PKHD1L1: variants seen among roughly 807,000 people sequenced by gnomAD.
PKHD1L1 encodes fibrocystin-L.
PKHD1L1 carries 434 observed loss-of-function variants against 462.9 expected under a neutral mutation model. That is an observed-to-expected ratio of 0.94 (90% CI 0.87 to 1.02). The LOEUF (loss-of-function observed/expected upper bound fraction) is 1.02. PKHD1L1 is among the 50% of genes least tolerant of loss of function. The pLI is 0.00. For missense variants in PKHD1L1, 5,202 were observed against 5,096.1 expected (o/e 1.02, Z -0.63); for synonymous variants, 1,781 against 1,750.0 (o/e 1.02, Z -0.44).
rs143617108 is a variant in PKHD1L1 at position 109,465,243 on chromosome 8, C to T, written c.8411C>T (p.Thr2804Ile). The change falls in exon 49 of 78, where the codon ACA (threonine) becomes ATA (isoleucine). Residue 2804 changes from threonine to isoleucine, a missense_variant and splice_region_variant. Transcript: ENST00000378402. ...MVMIDVDGSL[T>I]GHKGHTVIPH... ...ATGATTGATGTTGATGGCTCACTTA[C>T]AGGTAATGTTATTTTTTAATTTGTG... is the stretch of plus-strand genomic sequence containing the variant. 50 of 1,607,036 alleles carry T rather than the reference C, an allele frequency of 3.1e-5. No individual in the cohort carries two copies. In the African/African-American group the frequency reaches 5.4e-4, roughly 17 times the overall value.
chr8:109,490,422 C>T (rs1818769988), intron 60 of PKHD1L1, among the ~76,000 whole-genome samples: 1 of 151,844 alleles, frequency 6.6e-6, no homozygotes, highest in South Asian at 2.1e-4. Context: ...GTCTGATCTA[C>T]ACCTCCATCA....
At chr8:109,412,770 G>T (rs946267699) in intron 20 of PKHD1L1, among the ~76,000 whole-genome samples, 1 of 151,994 alleles carries the variant, frequency 6.6e-6, no homozygotes, top group African/African-American at 2.4e-5. Flanking sequence ...AGCCATCATA[G>T]GATGATCTTG....
rs780274607 is a variant in PKHD1L1 at position 109,459,772 on chromosome 8, A to G, written c.7182A>G (p.Ile2394Met). The G allele has an allele frequency of 6.2e-7, 1 of 1,611,534 alleles. No individual in the cohort carries two copies. Among genetic ancestry groups the G allele is most frequent in the South Asian group, 1.1e-5 (1 of 90,722 alleles). ...GAATTCTTACAAGAAATATTTTAAT[A>G]AGAGGATCTGATAATGTTGAGTGGA... ...EVGILTRNIL[I>M]RGSDNVEWNN... Residue 2394 changes from isoleucine (I) to methionine (M), a missense_variant, in exon 47 of 78, where the codon ATA (isoleucine) becomes ATG (methionine). Transcript: ENST00000378402.
chr8:109,371,494 A>G (rs1210925968), intron 2 of PKHD1L1, among the ~76,000 whole-genome samples: 1 of 149,552 alleles, frequency 6.7e-6, no homozygotes, highest in Non-Finnish European at 1.5e-5. Flanking sequence ...GCTGTGCAGA[A>G]GCTCTTTAGT....
intron 54 of PKHD1L1, 51 bp downstream of exon 54, chr8:109,479,690 C>A: frequency 8.2e-7 from 1 of 1,217,854 alleles, no homozygotes; most frequent in Non-Finnish European, 1.2e-6. Context: ...GCAATATTAA[C>A]ACTATGGCAG....
At position 109,413,507 on chromosome 8, in the gene PKHD1L1, T is replaced by G. The variant is rs776515987; in HGVS notation, c.2322T>G (p.Thr774=). 9 of 1,569,060 alleles carry G rather than the reference T, an allele frequency of 5.7e-6. No individual in the cohort carries two copies. In the South Asian group the frequency reaches 9.7e-5, roughly 17 times the overall value. The change falls in exon 21 of 78, where the codon ACT becomes ACG. Residue 774 remains threonine (T), a synonymous_variant. Transcript: ENST00000378402. The stretch of plus-strand genomic sequence containing the variant: ...ACAATAGCAAGATTACTAGAAGCAC[T>G]GATACACAGTTTACATACAACTTTG... ...YQDNSKITRS[T]DTQFTYNFAY...
chr8:109,417,602 G>A (rs1814247538), intron 21 of PKHD1L1, among the ~76,000 whole-genome samples: 1 of 152,076 alleles, frequency 6.6e-6, no homozygotes, highest in Admixed American at 6.5e-5. Flanking sequence ...GGAGTGCAGT[G>A]GTGTGATCTC....
chr8:109,419,126 A>T lies in PKHD1L1; in HGVS notation c.2390A>T (p.Asp797Val), dbSNP rs193040284. Residue 797 changes from aspartate (D) to valine (V), a missense_variant, in exon 22 of 78, where the codon GAT (aspartate) becomes GTT (valine). Asp to Val is a radical substitution (Grantham distance 152, BLOSUM62 -3). This residue lies in a region of PKHD1L1 where 4,497 missense variants were observed against 4,336.8 expected (regional missense o/e 1.04). Coordinates refer to ENST00000378402, the MANE Select transcript of PKHD1L1 (RefSeq NM_177531.6). ...ACTTACACTTGCATAGACCTTCTGG[A>T]TCTCGTAAGAACGAAATACACTGGG... ...NWTYTCIDLL[D>V]LVRTKYTGTN... 1.9e-4 allele frequency: 303 copies of T among 1,613,514 alleles called. No individual in the cohort carries two copies. The highest frequency in any genetic ancestry group is 1.5e-3 in the Middle Eastern group (9 of 6,060).
intron 39 of PKHD1L1, 115 bp downstream of exon 39, chr8:109,448,506 TTG>T: frequency 4.3e-5 from 52 of 1,220,418 alleles, no homozygotes; most frequent in Non-Finnish European, 5.3e-5. Flanking sequence ...AGTGTTTTTT[TTG>T]TTTGTTTGGT....
intron 11 of PKHD1L1, among the ~76,000 whole-genome samples, chr8:109,397,405 G>A (rs1377378733): frequency 6.6e-6 from 1 of 152,160 alleles, no homozygotes; most frequent in African/African-American, 2.4e-5. Context: ...GCTGGGTGCA[G>A]TGGCTCATGC....
chr8:109,437,312 G>C (rs1336713147), intron 30 of PKHD1L1, among the ~76,000 whole-genome samples: 1 of 152,112 alleles, frequency 6.6e-6, no homozygotes, highest in Non-Finnish European at 1.5e-5. Flanking sequence ...TTGTGTCTTA[G>C]AATCAATCAT....
In PKHD1L1 at chr8:109,363,408, C is replaced by A. The variant is rs142474370; in HGVS notation, c.73+755C>A. 4.5e-3 allele frequency among the ~76,000 whole-genome samples: 680 copies of A among 152,274 alleles called. 5 individuals are homozygous for A. The highest frequency in any genetic ancestry group is 0.015 in the African/African-American group (634 of 41,544). ...AACTGGTCTCCTTTATGTTGGAGAG[C>A]TTTTGCTACTATAGGTGAAGTCCAC... On this transcript the variant is annotated intron_variant, in intron 1 of 77. Coordinates refer to ENST00000378402, the MANE Select transcript of PKHD1L1 (RefSeq NM_177531.6).
rs563121520 is a variant in PKHD1L1, at chr8:109,430,348, G to A, written c.3229+311G>A. On this transcript the variant is annotated intron_variant, in intron 27 of 77. Coordinates refer to ENST00000378402, the MANE Select transcript of PKHD1L1 (RefSeq NM_177531.6). Reference sequence around the variant, plus strand: ...CTCTAAAATTTCACTTGGACACTGAGGAACTTTTATTCAACTGTACCAGCT... The same window carrying A: ...CTCTAAAATTTCACTTGGACACTGAAGAACTTTTATTCAACTGTACCAGCT... 9.8e-4 allele frequency among the ~76,000 whole-genome samples: 149 copies of A among 152,248 alleles called. 1 individual carries two copies. Among genetic ancestry groups the A allele is most frequent in the African/African-American group, 3.4e-3 (140 of 41,534 alleles).
intron 25 of PKHD1L1, among the ~76,000 whole-genome samples, chr8:109,428,754 C>T (rs940457526): frequency 6.6e-6 from 1 of 152,130 alleles, no homozygotes; most frequent in African/African-American, 2.4e-5. Flanking sequence ...ATGGAGACTC[C>T]TATCTCTTTG....
At chr8:109,364,312 T>G (rs997152994) in intron 1 of PKHD1L1, among the ~76,000 whole-genome samples, 1 of 152,248 alleles carries the variant, frequency 6.6e-6, no homozygotes, top group East Asian at 1.9e-4. Context: ...GTGTTATTTT[T>G]GCTCTTGGTA....
rs1464941143 is a variant in PKHD1L1 at position 109,449,424 on chromosome 8, T to G, written c.6112T>G (p.Cys2038Gly). The G allele has an allele frequency of 6.3e-7, 1 of 1,597,844 alleles. No homozygotes were observed. Among genetic ancestry groups the G allele is most frequent in the Admixed American group, 1.7e-5 (1 of 58,068 alleles). ...NSIILVCGSE[C>G]AIDRLRSDYT... ...AATTATATTAGTTTGTGGCTCAGAA[T>G]GTGCAATTGACAGGCTTAGATCTGA... The change falls in exon 40 of 78, where the codon TGT (cysteine) becomes GGT (glycine). Residue 2038 changes from cysteine to glycine, a missense_variant. By Grantham distance (159) the Cys-to-Gly change is radical (BLOSUM62 -3). Coordinates refer to ENST00000378402, the MANE Select transcript of PKHD1L1 (RefSeq NM_177531.6).
At chr8:109,517,995 G>C (rs574639566) in intron 72 of PKHD1L1, among the ~76,000 whole-genome samples, 172 bp from the exon 73 acceptor site, 3 of 152,094 alleles carry the variant, frequency 2.0e-5, no homozygotes, top group African/African-American at 7.2e-5. Flanking sequence ...CTTTAATTTC[G>C]CAGGTCAGTT....
chr8:109,384,033 G>C, intron 4 of PKHD1L1, 37 bp from the exon 5 acceptor site: 1 of 1,373,134 alleles, frequency 7.3e-7, no homozygotes, highest in Non-Finnish European at 1.0e-6. Context: ...AAACAAAACA[G>C]AGATAAGTTT....
chr8:109,428,450 G>A (rs1814899249), intron 25 of PKHD1L1, among the ~76,000 whole-genome samples: 1 of 152,124 alleles, frequency 6.6e-6, no homozygotes, highest in South Asian at 2.1e-4. Context: ...GGAAGGAGAG[G>A]AAGTGGAGAA....
Sources: gnomAD v4.1 joint callset for allele counts (sites outside exome capture counted in the v4.1 genomes callset) on GRCh38, gnomAD v4.1.1 for gene constraint, gnomAD v4.1.1 regional missense constraint, MANE v1.5 for transcripts, NCBI Gene and HGNC (gene_info 2026-07-23, HGNC 2026-07-21) for gene names.